The following PPP2R5C variants were observed in gnomAD, a reference collection of about 807,000 sequenced individuals.
PPP2R5C encodes the protein protein phosphatase 2 regulatory subunit B'gamma, also known as serine/threonine-protein phosphatase 2A 56 kDa regulatory subunit gamma isoform.
In PPP2R5C, 7 loss-of-function variants were observed where a neutral mutation model predicts 68.9. That is an observed-to-expected ratio of 0.10 (90% CI 0.06 to 0.19). The LOEUF is 0.19. Ranked by LOEUF, PPP2R5C falls within the 10% of genes least tolerant of loss-of-function variation. The pLI is 1.00. For missense variants in PPP2R5C, 348 were observed against 641.3 expected, an observed-to-expected ratio of 0.54 and a Z score of 4.94; for synonymous variants, 210 against 222.2, an observed-to-expected ratio of 0.95 and a Z score of 0.49.
intron 2 of PPP2R5C, among the ~76,000 whole-genome samples, chr14:101,861,374 G>T (rs1265889781): frequency 2.6e-5 from 4 of 152,182 alleles, no homozygotes; most frequent in Non-Finnish European, 5.9e-5. Context: ...CTTTCGGAGG[G>T]CCTGTGATGT....
chr14:101,813,956 CAAGAA>C (rs2039512722), intron 1 of PPP2R5C, among the ~76,000 whole-genome samples: 1 of 152,152 alleles, frequency 6.6e-6, no homozygotes, highest in Non-Finnish European at 1.5e-5. Flanking sequence ...AAAAAACATG[CAAGAA>C]GCAAGCACAG....
At chr14:101,783,196 T>C (rs955613481) in intron 2 of PPP2R5C, among the ~76,000 whole-genome samples, 1 of 238 alleles carries the variant, frequency 4.2e-3, no homozygotes, top group Non-Finnish European at 0.01. Flanking sequence ...CCCCTCCCCC[T>C]CTCTCTCTCC....
intron 2 of PPP2R5C, among the ~76,000 whole-genome samples, chr14:101,863,293 G>T (rs1174634485): frequency 6.7e-6 from 1 of 149,104 alleles, no homozygotes; most frequent in Non-Finnish European, 1.5e-5. Flanking sequence ...GGGCAACAGA[G>T]TGAGACTGCT....
chr14:101,816,972 T>G lies in PPP2R5C; in HGVS notation c.94+6936T>G, dbSNP rs1232362211. Among the ~76,000 whole-genome samples, 11 of 145,062 alleles carry G rather than the reference T, an allele frequency of 7.6e-5. No homozygotes were observed. The East Asian group carries it at 2.2e-3, about 28-fold the overall frequency. On this transcript the variant is annotated intron_variant, in intron 1 of 13. Transcript: ENST00000334743. ...ATTATATATGTATATATATTTTTTT[T>G]TTTTGAGATGGAGTCTTGCTCTGTT... is the stretch of plus-strand genomic sequence containing the variant.
chr14:101,890,001 A>C (rs560160050), intron 5 of PPP2R5C: 2 of 622,624 alleles, frequency 3.2e-6, no homozygotes, highest in East Asian at 3.3e-5. Flanking sequence ...ATTTTCCAAA[A>C]TAAAATATTG....
intron 1 of PPP2R5C, among the ~76,000 whole-genome samples, chr14:101,830,191 A>G (rs988814848): frequency 2.0e-5 from 3 of 152,220 alleles, no homozygotes; most frequent in Admixed American, 6.5e-5. Flanking sequence ...GTTCTAATCC[A>G]TAGGAGAGTG....
At chr14:101,863,456 A>G (rs1477928592) in intron 2 of PPP2R5C, among the ~76,000 whole-genome samples, 2 of 152,150 alleles carry the variant, frequency 1.3e-5, no homozygotes, top group East Asian at 1.9e-4. Flanking sequence ...ATCAATAGAT[A>G]TAGTTCTTAT....
chr14:101,786,303 G>A, intron 3 of PPP2R5C, 120 bp downstream of exon 3: 1 of 858,490 alleles, frequency 1.2e-6, no homozygotes, highest in Non-Finnish European at 1.6e-6. Context: ...CATCTTTTCT[G>A]TATTGAGGGG....
intron 2 of PPP2R5C, among the ~76,000 whole-genome samples, chr14:101,881,049 C>T (rs1294271712): frequency 1.3e-5 from 2 of 152,032 alleles, no homozygotes. Flanking sequence ...AACTGGCATA[C>T]GATCCGTTCA....
At chr14:101,817,106 C>A (rs559707118) in intron 1 of PPP2R5C, among the ~76,000 whole-genome samples, 1 of 150,914 alleles carries the variant, frequency 6.6e-6, no homozygotes, top group East Asian at 1.9e-4. Context: ...TACAGGCACC[C>A]ACCGCCACAA....
rs143616639 is a variant in PPP2R5C at position 101,789,130 on chromosome 14, G to A, written c.259+2947G>A. ...TTTTCCACTACAGTCTGCATATATA[G>A]TCCTGTTGTTTGCAATAGATTCTTT... On this transcript the variant is annotated intron_variant, in intron 3 of 14. Transcript: ENST00000328724. Among the ~76,000 whole-genome samples, 873 of 152,222 alleles carry A rather than the reference G, an allele frequency of 5.7e-3. 9 individuals carry two copies. The highest frequency in any genetic ancestry group is 0.02 in the African/African-American group (838 of 41,506).
chr14:101,762,757 G>T, intron 1 of PPP2R5C, 148 bp from the exon 2 acceptor site: 1 of 679,686 alleles, frequency 1.5e-6, no homozygotes, highest in Non-Finnish European at 2.5e-6. Flanking sequence ...AATCCTAAAC[G>T]GTATGATATA....
chr14:101,774,916 T>C (rs1261035725), intron 2 of PPP2R5C, among the ~76,000 whole-genome samples: 1 of 152,244 alleles, frequency 6.6e-6, no homozygotes, highest in Admixed American at 6.5e-5. Flanking sequence ...AACTCTGCTG[T>C]TGCAGCAAGA....
chr14:101,878,376 C>T (rs1003505650), intron 2 of PPP2R5C, among the ~76,000 whole-genome samples: 2 of 152,230 alleles, frequency 1.3e-5, no homozygotes, highest in African/African-American at 4.8e-5. Context: ...GCCCTCAGCT[C>T]AGCATCAAGG....
chr14:101,796,566 T>G (rs3803288), intron 3 of PPP2R5C: 21,094 of 153,050 alleles, frequency 0.14, 1,611 homozygotes, highest in Admixed American at 0.19. Context: ...CCACAGAGAG[T>G]TACCACCAGG....
intron 8 of PPP2R5C, among the ~76,000 whole-genome samples, chr14:101,897,722 A>G (rs187596921): frequency 3.4e-4 from 51 of 152,032 alleles, no homozygotes; most frequent in African/African-American, 1.2e-3. Flanking sequence ...ACACCCTCAC[A>G]GGCACACCCA....
rs190745428 is a variant in PPP2R5C, at chr14:101,840,531, A to T, written c.95-16155A>T. 5.0e-4 allele frequency among the ~76,000 whole-genome samples: 71 copies of T among 142,578 alleles called. No individual in the cohort carries two copies. In the East Asian group the frequency reaches 0.014, roughly 28 times the overall value. 93.5% of individuals were successfully genotyped at this position (142,578 alleles called of 152,430 possible). A position where few individuals can be genotyped will look rare whatever the true frequency, so the allele number is the denominator to read the frequency against. Reference sequence around the variant, plus strand: ...AAAAGCTCCACTCCACCGGTCTTTTATAACCTATCAAACTTTAAGGATATT... The same window carrying T: ...AAAAGCTCCACTCCACCGGTCTTTTTTAACCTATCAAACTTTAAGGATATT... On this transcript the variant is annotated intron_variant, in intron 1 of 13. Coordinates refer to ENST00000334743, the Ensembl canonical transcript of PPP2R5C.
chr14:101,845,982 A>G (rs1170553869), intron 1 of PPP2R5C, among the ~76,000 whole-genome samples: 2 of 152,158 alleles, frequency 1.3e-5, no homozygotes, highest in East Asian at 3.8e-4. Flanking sequence ...GGTACTGTTC[A>G]TTTTGCCCGA....
rs529315533 is a variant in PPP2R5C at position 101,854,107 on chromosome 14, G to A, written c.95-2579G>A. ...TATCTGAATGTGAAGAGTCCTGAAC[G>A]CTGTAATGACAGTTACTCGTTTCAA... On this transcript the variant is annotated intron_variant, in intron 1 of 13. Transcript: ENST00000334743. Among the ~76,000 whole-genome samples the A allele has an allele frequency of 4.6e-5, 7 of 152,278 alleles. No homozygotes were observed. In the South Asian group the frequency reaches 1.0e-3, roughly 23 times the overall value.
Sources: allele counts gnomAD v4.1 joint callset (sites outside exome capture counted in the v4.1 genomes callset), GRCh38; gene constraint gnomAD v4.1.1; transcripts MANE v1.5; gene names NCBI Gene and HGNC (gene_info 2026-07-23, HGNC 2026-07-21).